TMEM61: variants seen among roughly 807,000 people sequenced by gnomAD.
TMEM61 encodes transmembrane protein 61.
In TMEM61, 13 loss-of-function variants were observed where a neutral mutation model predicts 12.0. That is an observed-to-expected ratio of 1.08 (90% CI 0.70 to 1.72). The LOEUF is 1.72. TMEM61 is among the 40% of genes most tolerant of loss of function. The pLI is 0.00. For missense variants in TMEM61, 249 were observed against 276.9 expected, an observed-to-expected ratio of 0.90 and a Z score of 0.71; for synonymous variants, 109 against 121.4, an observed-to-expected ratio of 0.90 and a Z score of 0.67.
intron 1 of TMEM61, among the ~76,000 whole-genome samples, chr1:54,982,533 G>A (rs1038763366): frequency 1.3e-5 from 2 of 151,804 alleles, no homozygotes; most frequent in Admixed American, 1.3e-4. Flanking sequence ...TGCTGTGGGG[G>A]ATCCACATGG....
At chr1:54,984,537 G>A (rs921365358) in intron 1 of TMEM61, among the ~76,000 whole-genome samples, 2 of 152,188 alleles carry the variant, frequency 1.3e-5, no homozygotes, top group Non-Finnish European at 2.9e-5. Context: ...TGTGAGGGTG[G>A]ATTTTCACCC....
intron 1 of TMEM61, among the ~76,000 whole-genome samples, chr1:54,983,109 G>GTTTTTTTTTTTTTTTTTTTTTTT (rs780127208): frequency 2.7e-5 from 3 of 109,520 alleles, no homozygotes; most frequent in Non-Finnish European, 5.5e-5. Flanking sequence ...GTTTTGCTTT[G>GTTTTTTTTTTTTTTTTTTTTTTT]TTTTTTTTTT....
In TMEM61 at chr1:54,986,355, A is replaced by G; in HGVS notation, c.274A>G (p.Ser92Gly). Residue 92 changes from serine (S) to glycine (G), a missense_variant, in exon 2 of 3, where the codon AGC becomes GGC. Coordinates refer to ENST00000371268, the MANE Select transcript of TMEM61 (RefSeq NM_182532.3). ...TGGCCTGCTGTGGTCCGTCAAGGCC[A>G]GCATCCCAGGGCCACCTCGATGGGA... Reference protein sequence around the residue: ...LIGLLWSVKASIPGPPRWDPY... With the variant: ...LIGLLWSVKAGIPGPPRWDPY... 1.9e-6 allele frequency: 3 copies of G among 1,613,698 alleles called. No individual in the cohort carries two copies. The highest frequency in any genetic ancestry group is 2.5e-6 in the Non-Finnish European group (3 of 1,179,740).
chr1:54,991,870 G>A lies in TMEM61; in HGVS notation c.400G>A (p.Glu134Lys). The A allele has an allele frequency of 6.2e-7, 1 of 1,614,078 alleles. No individual in the cohort carries two copies. Among genetic ancestry groups the A allele is most frequent in the Non-Finnish European group, 8.5e-7 (1 of 1,179,990 alleles). The change falls in exon 3 of 3, where the codon GAA (glutamate) becomes AAA (lysine). Residue 134 changes from glutamate (E) to lysine (K), a missense_variant. By Grantham distance (56) the Glu-to-Lys change is moderately conservative. Transcript: ENST00000371268. ...PKVVDIPTYE[E>K]AVSFPVAEGP... is the part of the protein sequence containing the mutation. ...AGTGGTTGACATCCCCACTTACGAG[G>A]AAGCCGTGAGCTTCCCAGTGGCCGA...
At chr1:54,989,654 A>G (rs532160858) in intron 2 of TMEM61, among the ~76,000 whole-genome samples, 40 of 152,344 alleles carry the variant, frequency 2.6e-4, no homozygotes, top group African/African-American at 9.4e-4. Context: ...GACCTTGGCG[A>G]CTTGGAGCTG....
chr1:54,981,099 C>T lies in TMEM61; in HGVS notation c.15+19C>T, dbSNP rs1176298635. 1 of 1,585,612 alleles carries T rather than the reference C, an allele frequency of 6.3e-7. No individual in the cohort carries two copies. The highest frequency in any genetic ancestry group is 8.6e-7 in the Non-Finnish European group (1 of 1,165,224). Reference sequence around the variant, plus strand: ...GCCCCAGGTGGGTGGAAACGGCCTTCTCCCTCCTTTACGGGCACTCAGCCC... The same window carrying T: ...GCCCCAGGTGGGTGGAAACGGCCTTTTCCCTCCTTTACGGGCACTCAGCCC... On this transcript the variant is annotated intron_variant, in intron 1 of 2. Transcript: ENST00000371268.
intron 2 of TMEM61, among the ~76,000 whole-genome samples, chr1:54,988,715 A>G (rs1157197355): frequency 6.6e-6 from 1 of 152,072 alleles, no homozygotes; most frequent in Non-Finnish European, 1.5e-5. Flanking sequence ...TTACTCTTTC[A>G]TGCATGTGCC....
intron 1 of TMEM61, 24 bp downstream of exon 1, chr1:54,981,104 TC>T: frequency 1.3e-6 from 2 of 1,582,494 alleles, no homozygotes; most frequent in Middle Eastern, 1.7e-4. Flanking sequence ...GCCTTCTCCC[TC>T]CTTTACGGGC....
chr1:54,983,293 T>C (rs568762200), intron 1 of TMEM61, among the ~76,000 whole-genome samples: 4 of 151,858 alleles, frequency 2.6e-5, no homozygotes, highest in Non-Finnish European at 5.9e-5. Context: ...GGCTAATTTT[T>C]GTATTTCTAG....
At position 54,982,388 on chromosome 1, in the gene TMEM61, A is replaced by T. The variant is rs375030793; in HGVS notation, c.15+1308A>T. On this transcript the variant is annotated intron_variant, in intron 1 of 2. Coordinates refer to ENST00000371268, the MANE Select transcript of TMEM61 (RefSeq NM_182532.3). ...GAGTTTGGGTGAGAACAGCCTGCTG[A>T]TAGTGACATCCCTGACCTATAATAA... Among the ~76,000 whole-genome samples, 10 of 152,284 alleles carry T rather than the reference A, an allele frequency of 6.6e-5. No individual in the cohort carries two copies. In the South Asian group the frequency reaches 1.2e-3, roughly 19 times the overall value.
intron 1 of TMEM61, among the ~76,000 whole-genome samples, chr1:54,983,255 A>G (rs749667129): frequency 2.0e-5 from 3 of 151,778 alleles, no homozygotes; most frequent in Non-Finnish European, 4.4e-5. Context: ...CTGGGACTAC[A>G]GGTGCCCACC....
At chr1:54,983,405 G>A (rs974977570) in intron 1 of TMEM61, among the ~76,000 whole-genome samples, 1 of 151,970 alleles carries the variant, frequency 6.6e-6, no homozygotes, top group African/African-American at 2.4e-5. Flanking sequence ...TTACAGGTGT[G>A]AGCCACTGTG....
rs112601114 is a variant in TMEM61 at position 54,983,383 on chromosome 1, A to G, written c.15+2303A>G. Among the ~76,000 whole-genome samples, 243 of 152,020 alleles carry G rather than the reference A, an allele frequency of 1.6e-3. 1 individual carries two copies. Among genetic ancestry groups the G allele is most frequent in the African/African-American group, 5.7e-3 (236 of 41,500 alleles). On this transcript the variant is annotated intron_variant, in intron 1 of 2. Coordinates refer to ENST00000371268, the MANE Select transcript of TMEM61 (RefSeq NM_182532.3). Reference sequence around the variant, plus strand: ...GGTGATCCACCCACCTCGGCCTCCCAAAGTACTGGGATTACAGGTGTGAGC... The same window carrying G: ...GGTGATCCACCCACCTCGGCCTCCCGAAGTACTGGGATTACAGGTGTGAGC...
At position 54,992,165 on chromosome 1, in the gene TMEM61, C is replaced by A; in HGVS notation, c.*62C>A. Reference sequence around the variant, plus strand: ...GCCGTGCCTTCTCCAGAGTCTTATGCAGTGCCTGGGACACAGTAGGCACTC... The same window carrying A: ...GCCGTGCCTTCTCCAGAGTCTTATGAAGTGCCTGGGACACAGTAGGCACTC... On this transcript the variant is annotated 3_prime_UTR_variant, in exon 3 of 3. Transcript: ENST00000371268. 1 of 1,563,744 alleles carries A rather than the reference C, an allele frequency of 6.4e-7. No individual in the cohort carries two copies.
chr1:54,983,130 T>TTTTTTTTTTTG (rs1557473561), intron 1 of TMEM61, among the ~76,000 whole-genome samples: 2 of 146,600 alleles, frequency 1.4e-5, no homozygotes, highest in Admixed American at 6.9e-5. Flanking sequence ...TTGTTTTTTT[T>TTTTTTTTTTTG]TGAGAAAGAG....
Position 54,986,448 on chromosome 1 carries a change from T to C in TMEM61, c.365+2T>C. 6.5e-7 allele frequency: 1 copy of C among 1,548,692 alleles called. No individual in the cohort carries two copies. The highest frequency in any genetic ancestry group is 8.8e-7 in the Non-Finnish European group (1 of 1,141,014). ...GTCCTCAGAGAAGGAGAGCTGCAGGTCAGCAGGGCGGGGTGTGGCAGCGGG... is the reference window on the plus strand; with the variant it reads ...GTCCTCAGAGAAGGAGAGCTGCAGGCCAGCAGGGCGGGGTGTGGCAGCGGG... On this transcript the variant is annotated splice_donor_variant, in intron 2 of 2. Coordinates refer to ENST00000371268, the MANE Select transcript of TMEM61 (RefSeq NM_182532.3). LOFTEE classifies it high-confidence loss of function.
At chr1:54,982,711 C>T (rs1269747294) in intron 1 of TMEM61, among the ~76,000 whole-genome samples, 5 of 152,194 alleles carry the variant, frequency 3.3e-5, no homozygotes, top group African/African-American at 1.2e-4. Context: ...CTATTTGCAG[C>T]GTGGTCTCAA....
chr1:54,983,875 C>T (rs1395479099), intron 1 of TMEM61, among the ~76,000 whole-genome samples: 1 of 152,048 alleles, frequency 6.6e-6, no homozygotes, highest in Admixed American at 6.5e-5. Flanking sequence ...CATGAAAAGG[C>T]TTTGAGCTGG....
At chr1:54,991,746 T>C (rs1644299569) in intron 2 of TMEM61, 90 bp from the exon 3 acceptor site, 3 of 1,466,080 alleles carry the variant, frequency 2.0e-6, no homozygotes, top group Admixed American at 3.9e-5. Flanking sequence ...GTGTGAAGAC[T>C]TCTCTGCCCC....
Sources: allele counts gnomAD v4.1 joint callset (sites outside exome capture counted in the v4.1 genomes callset), GRCh38; gene constraint gnomAD v4.1.1; transcripts MANE v1.5; gene names NCBI Gene and HGNC (gene_info 2026-07-23, HGNC 2026-07-21).